Variants in EXT1 observed in about 807,000 individuals in gnomAD.
The protein encoded by EXT1 is exostosin glycosyltransferase 1.
EXT1 carries 20 observed loss-of-function variants against 82.5 expected under a neutral mutation model. That is an observed-to-expected ratio of 0.24 (90% confidence interval 0.17 to 0.35). The LOEUF (loss-of-function observed/expected upper bound fraction) is 0.35, where lower values mean the gene tolerates loss of function less well. Ranked by LOEUF, EXT1 falls within the 10% of genes least tolerant of loss-of-function variation. EXT1 has a pLI of 1.00. For missense variants in EXT1, 757 were observed against 936.5 expected, an observed-to-expected ratio of 0.81 and a Z score of 2.50; for synonymous variants, 348 against 350.8, an observed-to-expected ratio of 0.99 and a Z score of 0.09.
At chr8:118,045,519 T>A (rs182440537) in intron 1 of EXT1, among the ~76,000 whole-genome samples, 107 of 152,284 alleles carry the variant, frequency 7.0e-4, no homozygotes, top group Middle Eastern at 3.4e-3. Flanking sequence ...CAACATAGAA[T>A]GTGGCACTGC....
In EXT1 at chr8:118,109,865, G is replaced by A. The variant is rs1047222109; in HGVS notation, c.962+220C>T. Among the ~76,000 whole-genome samples, 25 of 152,252 alleles carry A rather than the reference G, an allele frequency of 1.6e-4. 1 individual carries two copies. The highest frequency in any genetic ancestry group is 5.5e-4 in the African/African-American group (23 of 41,534). The stretch of plus-strand genomic sequence containing the variant: ...GGAGATACTGTCACCTACTTGGCTC[G>A]AGAAGGTGCTCCAGGCTTTTCAGTT... On this transcript the variant is annotated intron_variant, in intron 1 of 10. Coordinates refer to ENST00000378204, the MANE Select transcript of EXT1 (RefSeq NM_000127.3).
intron 1 of EXT1, among the ~76,000 whole-genome samples, chr8:118,031,295 C>T (rs762868450): frequency 5.3e-5 from 8 of 152,034 alleles, no homozygotes; most frequent in Non-Finnish European, 7.4e-5. Flanking sequence ...CCGAGGTGGG[C>T]GGATCACCAG....
At chr8:118,085,674 T>G (rs553715249) in intron 1 of EXT1, among the ~76,000 whole-genome samples, 1 of 151,978 alleles carries the variant, frequency 6.6e-6, no homozygotes, top group African/African-American at 2.4e-5. Flanking sequence ...AAGAGCCACA[T>G]GTTCACATAC....
chr8:117,952,657 G>A (rs1220553109), intron 1 of EXT1, among the ~76,000 whole-genome samples: 1 of 152,120 alleles, frequency 6.6e-6, no homozygotes. Flanking sequence ...AGTCACTTGG[G>A]AGGCTGAGGC....
intron 1 of EXT1, among the ~76,000 whole-genome samples, chr8:118,046,039 G>A (rs1444632261): frequency 2.0e-5 from 3 of 151,722 alleles, no homozygotes; most frequent in African/African-American, 7.3e-5. Context: ...CAAGTGATCC[G>A]CCAGCCTCAG....
intron 1 of EXT1, among the ~76,000 whole-genome samples, chr8:118,045,929 G>C (rs1816615546): frequency 1.3e-5 from 2 of 151,888 alleles, no homozygotes; most frequent in Non-Finnish European, 2.9e-5. Context: ...CTGAGTAGCT[G>C]AAATTAGAGG....
chr8:117,966,593 G>A (rs1814816155), intron 1 of EXT1, among the ~76,000 whole-genome samples: 1 of 152,144 alleles, frequency 6.6e-6, no homozygotes. Context: ...CATATACTAA[G>A]TCTGGCGTAT....
intron 1 of EXT1, among the ~76,000 whole-genome samples, chr8:117,883,735 G>A (rs932641567): frequency 1.3e-5 from 2 of 152,176 alleles, no homozygotes; most frequent in African/African-American, 2.4e-5. Context: ...GGAGTGGTAG[G>A]GAACTATGCA....
chr8:118,085,721 G>A (rs1292633056), intron 1 of EXT1, among the ~76,000 whole-genome samples: 3 of 150,012 alleles, frequency 2.0e-5, no homozygotes, highest in African/African-American at 7.3e-5. Flanking sequence ...GTGTGACGGA[G>A]GCAAAAAAAA....
At chr8:117,932,471 G>A (rs1814080039) in intron 1 of EXT1, among the ~76,000 whole-genome samples, 1 of 152,140 alleles carries the variant, frequency 6.6e-6, no homozygotes, top group Non-Finnish European at 1.5e-5. Flanking sequence ...CCATACAACT[G>A]CTAAGACTAC....
At chr8:118,026,136 C>A (rs1381517828) in intron 1 of EXT1, among the ~76,000 whole-genome samples, 1 of 152,114 alleles carries the variant, frequency 6.6e-6, no homozygotes, top group East Asian at 1.9e-4. Flanking sequence ...CAGCAAGAGA[C>A]ACAAGACGCA....
intron 4 of EXT1, 152 bp downstream of exon 4, chr8:117,830,078 G>A: frequency 3.2e-6 from 3 of 929,348 alleles, no homozygotes; most frequent in Non-Finnish European, 5.0e-6. Context: ...CCATGGCAAA[G>A]CAGGTAAAAG....
chr8:118,012,161 G>C (rs947905257), intron 1 of EXT1, among the ~76,000 whole-genome samples: 1 of 152,206 alleles, frequency 6.6e-6, no homozygotes, highest in African/African-American at 2.4e-5. Flanking sequence ...GCCTTCAAAA[G>C]CTCTCGCCAA....
intron 1 of EXT1, among the ~76,000 whole-genome samples, chr8:117,957,764 G>T (rs1226132234): frequency 6.6e-6 from 1 of 152,182 alleles, no homozygotes; most frequent in African/African-American, 2.4e-5. Flanking sequence ...GTTTGGGCTG[G>T]AAGGAGTAAA....
At chr8:117,979,673 C>T (rs1324178234) in intron 1 of EXT1, among the ~76,000 whole-genome samples, 1 of 152,264 alleles carries the variant, frequency 6.6e-6, no homozygotes, top group Admixed American at 6.5e-5. Flanking sequence ...ACCATTTATC[C>T]TAGATGCGTA....
rs1348950663 is a variant in EXT1, at chr8:117,968,541, ATTTATTTATTTATTTTTTTTTTTTTTTT to A, written c.963-131368_963-131341del. Among the ~76,000 whole-genome samples the A allele has an allele frequency of 7.1e-4, 11 of 15,500 alleles. No individual in the cohort carries two copies. In the Admixed American group the frequency reaches 8.7e-3, roughly 12 times the overall value. 10.2% of individuals were successfully genotyped at this position (15,500 alleles called of 152,430 possible). A position where few individuals can be genotyped will look rare whatever the true frequency, so the allele number is the denominator to read the frequency against. On this transcript the variant is annotated intron_variant, in intron 1 of 10. Transcript: ENST00000378204. ...CTTATTCTGCCTTATTTATTTATTT[ATTTATTTATTTATTTTTTTTTTTTTTTT>A]TTTTTTTTTTTTTTTTTTGAGACGG...
intron 1 of EXT1, among the ~76,000 whole-genome samples, chr8:117,848,852 TCTATAGAGCAGCCAAAGA>T (rs1242246104): frequency 6.6e-6 from 1 of 152,128 alleles, no homozygotes; most frequent in Non-Finnish European, 1.5e-5. Context: ...CAGTCCATAG[TCTATAGAGCAGCCAAAGA>T]CAACTTTCAA....
At chr8:117,898,237 C>T (rs1813379206) in intron 1 of EXT1, among the ~76,000 whole-genome samples, 1 of 152,150 alleles carries the variant, frequency 6.6e-6, no homozygotes, top group African/African-American at 2.4e-5. Flanking sequence ...TTCCAAGATC[C>T]CATACTGGGG....
At chr8:118,028,179 A>G (rs775024799) in intron 1 of EXT1, among the ~76,000 whole-genome samples, 2 of 152,250 alleles carry the variant, frequency 1.3e-5, no homozygotes, top group Non-Finnish European at 2.9e-5. Flanking sequence ...AGATGGCGAA[A>G]GTGCCCATGC....
Sources: allele counts gnomAD v4.1 joint callset (sites outside exome capture counted in the v4.1 genomes callset), GRCh38; gene constraint gnomAD v4.1.1; transcripts MANE v1.5; gene names NCBI Gene and HGNC (gene_info 2026-07-23, HGNC 2026-07-21).